PTPRD: variants seen among roughly 807,000 people sequenced by gnomAD.
PTPRD encodes the protein receptor-type tyrosine-protein phosphatase delta.
A neutral mutation model predicts 214.5 loss-of-function variants in PTPRD; 34 were observed. The ratio of observed to expected loss-of-function variants is 0.16; its 90% CI spans 0.12 to 0.21. The LOEUF (loss-of-function observed/expected upper bound fraction) is 0.21, where lower values mean the gene tolerates loss of function less well. PTPRD is among the 10% of genes least tolerant of loss of function. The probability of loss-of-function intolerance (pLI) is 1.00; values close to 1 mark genes in which losing one functional copy is unlikely to be tolerated. For synonymous variants in PTPRD, 1,128 were observed against 845.7 expected (o/e 1.33, Z -5.79); for missense variants, 2,545 against 2,398.7 (o/e 1.06, Z -1.27).
At chr9:9,557,464 T>G (rs189094111) in intron 8 of PTPRD, among the ~76,000 whole-genome samples, 113 of 152,298 alleles carry the variant, frequency 7.4e-4, no homozygotes, top group African/African-American at 2.6e-3. Context: ...TATTTTGAAA[T>G]GCACTGCAAA....
At chr9:9,393,059 G>T (rs2066450003) in intron 9 of PTPRD, among the ~76,000 whole-genome samples, 2 of 152,068 alleles carry the variant, frequency 1.3e-5, no homozygotes, top group South Asian at 4.1e-4. Flanking sequence ...TTGCTCAGCT[G>T]AAAGTTTTTC....
At chr9:9,991,995 G>A (rs954721187) in intron 4 of PTPRD, among the ~76,000 whole-genome samples, 5 of 152,068 alleles carry the variant, frequency 3.3e-5, no homozygotes, top group Non-Finnish European at 5.9e-5. Context: ...AAAACATTAC[G>A]CTAAATGAAA....
At chr9:10,125,462 A>G (rs1374219753) in intron 3 of PTPRD, among the ~76,000 whole-genome samples, 1 of 112,252 alleles carries the variant, frequency 8.9e-6, no homozygotes, top group Non-Finnish European at 1.8e-5. Flanking sequence ...TATTATTATT[A>G]TTATTATTTT....
At chr9:8,726,589 ATATATATAT>A (rs1179789128) in intron 12 of PTPRD, among the ~76,000 whole-genome samples, 8 of 12,914 alleles carry the variant, frequency 6.2e-4, no homozygotes, top group African/African-American at 7.8e-4. Flanking sequence ...AAAAAAAAAA[ATATATATAT>A]ATATATATAT....
intron 5 of PTPRD, among the ~76,000 whole-genome samples, chr9:9,774,026 G>A (rs2098775843): frequency 1.3e-5 from 2 of 152,130 alleles, no homozygotes; most frequent in Non-Finnish European, 2.9e-5. Flanking sequence ...AAAATAGGCT[G>A]GACTCATGCA....
chr9:9,127,531 A>C lies in PTPRD; in HGVS notation c.-143+55773T>G, dbSNP rs1490169880. Among the ~76,000 whole-genome samples the C allele has an allele frequency of 1.3e-5, 2 of 152,200 alleles. 1 individual carries two copies. Among genetic ancestry groups the C allele is most frequent in the Admixed American group, 1.3e-4 (2 of 15,278 alleles). Reference sequence around the variant, plus strand: ...GAAATGTTTGGTAAACAAAACTGAAAGGTTTGACTTGAGCAATCAATGATA... The same window carrying C: ...GAAATGTTTGGTAAACAAAACTGAACGGTTTGACTTGAGCAATCAATGATA... On this transcript the variant is annotated intron_variant, in intron 10 of 45. Transcript: ENST00000381196.
intron 11 of PTPRD, among the ~76,000 whole-genome samples, chr9:8,850,474 T>C (rs984091106): frequency 4.6e-5 from 7 of 152,164 alleles, no homozygotes; most frequent in African/African-American, 1.2e-4. Flanking sequence ...ACAACTTCCA[T>C]CCATGGCATA....
At chr9:9,129,570 C>T (rs896115576) in intron 10 of PTPRD, among the ~76,000 whole-genome samples, 2 of 152,084 alleles carry the variant, frequency 1.3e-5, no homozygotes, top group African/African-American at 4.8e-5. Context: ...CAATTAATGA[C>T]CAGATTTACA....
intron 5 of PTPRD, among the ~76,000 whole-genome samples, chr9:9,913,120 C>T (rs866159640): frequency 6.8e-6 from 1 of 147,054 alleles, no homozygotes; most frequent in African/African-American, 2.6e-5. Flanking sequence ...GACAATATAG[C>T]TCCAATAAAA....
At chr9:9,599,585 T>C (rs2093608857) in intron 7 of PTPRD, among the ~76,000 whole-genome samples, 1 of 152,088 alleles carries the variant, frequency 6.6e-6, no homozygotes, top group African/African-American at 2.4e-5. Context: ...TTTTCATATA[T>C]TTATCTTTAT....
chr9:8,579,201 C>T lies in PTPRD; in HGVS notation c.353-50422G>A, dbSNP rs1353252335. 2.6e-5 allele frequency among the ~76,000 whole-genome samples: 4 copies of T among 152,320 alleles called. No homozygotes were observed. The East Asian group carries it at 7.7e-4, about 29-fold the overall frequency. ...CATTTTCTTTGTAAATGTGAAAGCA[C>T]TGCTTAAAGTTCCAACCAACTGTCC... On this transcript the variant is annotated intron_variant, in intron 14 of 45. Transcript: ENST00000381196.
intron 9 of PTPRD, among the ~76,000 whole-genome samples, chr9:9,340,480 G>A (rs79072288): frequency 0.018 from 2,768 of 152,242 alleles, 90 homozygotes; most frequent in African/African-American, 0.063. Context: ...GAATGACACC[G>A]AATGCTACAA....
intron 2 of PTPRD, among the ~76,000 whole-genome samples, chr9:10,586,509 T>C (rs1486174165): frequency 6.6e-6 from 1 of 152,094 alleles, no homozygotes; most frequent in Non-Finnish European, 1.5e-5. Context: ...ATTCTCTATA[T>C]AGTACCTTGT....
At chr9:10,432,763 A>G (rs1194864444) in intron 2 of PTPRD, among the ~76,000 whole-genome samples, 1 of 151,988 alleles carries the variant, frequency 6.6e-6, no homozygotes, top group Non-Finnish European at 1.5e-5. Flanking sequence ...CTAGCCTTCT[A>G]TGCTCCAGGG....
At chr9:8,969,151 G>A (rs1253227116) in intron 11 of PTPRD, among the ~76,000 whole-genome samples, 2 of 151,906 alleles carry the variant, frequency 1.3e-5, no homozygotes, top group African/African-American at 4.8e-5. Flanking sequence ...AATTCATATC[G>A]TTAGAGAAAC....
chr9:9,286,873 AATATATAT>A (rs34631864), intron 9 of PTPRD, among the ~76,000 whole-genome samples: 96 of 77,012 alleles, frequency 1.2e-3, no homozygotes, highest in Non-Finnish European at 1.6e-3. Flanking sequence ...GAAACTACTG[AATATATAT>A]ATATATATAT....
chr9:10,065,141 T>TAGAAAGAAAGAAAGAAAGAA (rs554379074), intron 3 of PTPRD, among the ~76,000 whole-genome samples: 16,061 of 106,554 alleles, frequency 0.15, 1,784 homozygotes, highest in African/African-American at 0.18. Flanking sequence ...TGACTTGGAT[T>TAGAAAGAAAGAAAGAAAGAA]AGAAAGAAAG....
In PTPRD at chr9:10,419,663, C is replaced by A. The variant is rs574014712; in HGVS notation, c.-599-78646G>T. Among the ~76,000 whole-genome samples, 7 of 151,796 alleles carry A rather than the reference C, an allele frequency of 4.6e-5. No homozygotes were observed. The Admixed American group carries it at 4.6e-4, about 10-fold the overall frequency. On this transcript the variant is annotated intron_variant, in intron 2 of 45. Coordinates refer to ENST00000381196, the MANE Select transcript of PTPRD (RefSeq NM_002839.4). ...AATTTTTTTAAACACTTAGTCTGAT[C>A]TCTTGGTTGTCTTCATCTTATGAAG...
At chr9:8,459,326 G>A (rs1273349336) in intron 33 of PTPRD, among the ~76,000 whole-genome samples, 1 of 151,912 alleles carries the variant, frequency 6.6e-6, no homozygotes, top group East Asian at 1.9e-4. Context: ...TGTAGTAGAA[G>A]GATGAGATCA....
Sources: gnomAD v4.1 joint callset for allele counts (sites outside exome capture counted in the v4.1 genomes callset) on GRCh38, gnomAD v4.1.1 for gene constraint, MANE v1.5 for transcripts, NCBI Gene and HGNC (gene_info 2026-07-23, HGNC 2026-07-21) for gene names.